YME1L1: variants seen among roughly 807,000 people sequenced by gnomAD.
YME1L1 encodes ATP-dependent zinc metalloprotease YME1L1.
In YME1L1, 39 loss-of-function variants were observed where a neutral mutation model predicts 90.4. The ratio of observed to expected loss-of-function variants is 0.43; its 90% CI spans 0.33 to 0.56. YME1L1 has a LOEUF of 0.56. YME1L1 is among the 20% of genes least tolerant of loss of function. The probability of loss-of-function intolerance (pLI) is 0.03; values close to 1 mark genes in which losing one functional copy is unlikely to be tolerated. For missense variants in YME1L1, 617 were observed against 868.4 expected, an observed-to-expected ratio of 0.71 and a Z score of 3.64; for synonymous variants, 284 against 287.3, an observed-to-expected ratio of 0.99 and a Z score of 0.12.
intron 7 of YME1L1, among the ~76,000 whole-genome samples, chr10:27,133,226 A>T (rs2056994066): frequency 6.6e-6 from 1 of 152,210 alleles, no homozygotes; most frequent in Non-Finnish European, 1.5e-5. Flanking sequence ...CAATTATGAC[A>T]ACATTAAGTC....
At chr10:27,112,844 A>G (rs1012431392) in intron 18 of YME1L1, among the ~76,000 whole-genome samples, 19 of 151,996 alleles carry the variant, frequency 1.3e-4, no homozygotes, top group African/African-American at 2.4e-5. Context: ...GACTACAGGC[A>G]TGAACCACCA....
At chr10:27,122,565 T>C (rs934775859) in intron 11 of YME1L1, among the ~76,000 whole-genome samples, 1 of 152,134 alleles carries the variant, frequency 6.6e-6, no homozygotes, top group Non-Finnish European at 1.5e-5. Flanking sequence ...CTGTCATAAG[T>C]GTAACAATAA....
intron 15 of YME1L1, among the ~76,000 whole-genome samples, chr10:27,116,917 A>AT (rs2056819604): frequency 6.6e-6 from 1 of 152,252 alleles, no homozygotes; most frequent in African/African-American, 2.4e-5. Flanking sequence ...ATATAGTTAC[A>AT]TTAAAAACCA....
Position 27,110,137 on chromosome 10 carries a change from G to A in YME1L1, c.*1840C>T, listed in dbSNP as rs754189037. ...ACATTTAAAATGAATTTTATCATAT[G>A]TAAATTATACCTCAACAAATATGTA... On this transcript the variant is annotated 3_prime_UTR_variant, in exon 19 of 19. Coordinates refer to ENST00000376016, the MANE Select transcript of YME1L1 (RefSeq NM_014263.4). The A allele has an allele frequency of 1.3e-5, 2 of 152,120 alleles. No individual in the cohort carries two copies. Among genetic ancestry groups the A allele is most frequent in the African/African-American group, 2.4e-5 (1 of 41,434 alleles). 9.4% of individuals were successfully genotyped at this position (152,120 alleles called of 1,614,324 possible).
chr10:27,139,325 C>A (rs754654783), intron 4 of YME1L1, among the ~76,000 whole-genome samples: 2 of 152,034 alleles, frequency 1.3e-5, no homozygotes, highest in African/African-American at 2.4e-5. Flanking sequence ...TCCCAAGTAT[C>A]CAGAACTACA....
chr10:27,126,397 C>A (rs2056920062), intron 9 of YME1L1, among the ~76,000 whole-genome samples: 1 of 152,018 alleles, frequency 6.6e-6, no homozygotes, highest in African/African-American at 2.4e-5. Context: ...TCACTGCACT[C>A]AAGCCTGGGT....
At chr10:27,143,699 TAAAAAAA>T (rs10671752) in intron 3 of YME1L1, among the ~76,000 whole-genome samples, 30 of 134,324 alleles carry the variant, frequency 2.2e-4, no homozygotes, top group African/African-American at 8.4e-4. Context: ...CTCGTCTCTT[TAAAAAAA>T]AAAAAAAAAA....
At chr10:27,126,652 T>C (rs2056922614) in intron 9 of YME1L1, 44 bp downstream of exon 9, 1 of 1,098,686 alleles carries the variant, frequency 9.1e-7, no homozygotes, top group East Asian at 2.6e-5. Context: ...GTTTCTTTGT[T>C]TTTGTTTTTT....
chr10:27,119,404 C>A lies in YME1L1; in HGVS notation c.1457G>T (p.Gly486Val). ...GTTCACAAGATTCTCCAACTCTGCT[C>A]CGGAAAAGCCAACAGTACCTCGAGC... Reference protein sequence around the residue: ...IIARGTVGFSGAELENLVNQA... With the variant: ...IIARGTVGFSVAELENLVNQA... The change falls in exon 14 of 19, where the codon GGA becomes GTA. Residue 486 changes from glycine (G) to valine (V), a missense_variant. Around this residue, in one of 4 missense-constraint regions of YME1L1, gnomAD observed 212 missense variants for 330.0 expected, o/e 0.64. Coordinates refer to ENST00000376016, the MANE Select transcript of YME1L1 (RefSeq NM_014263.4). The A allele has an allele frequency of 1.9e-6, 3 of 1,613,156 alleles. No homozygotes were observed. The highest frequency in any genetic ancestry group is 1.1e-5 in the South Asian group (1 of 90,930).
intron 9 of YME1L1, among the ~76,000 whole-genome samples, chr10:27,126,118 T>G (rs964966144): frequency 2.6e-5 from 4 of 152,116 alleles, no homozygotes; most frequent in African/African-American, 9.7e-5. Flanking sequence ...TATATTTATA[T>G]ATACATAAAG....
At chr10:27,133,909 G>T in intron 7 of YME1L1, 130 bp downstream of exon 7, 1 of 551,998 alleles carries the variant, frequency 1.8e-6, no homozygotes, top group Non-Finnish European at 3.0e-6. Context: ...ACCACTACTA[G>T]GAATGAAAGC....
At chr10:27,118,180 A>C (rs2056832683) in intron 14 of YME1L1, among the ~76,000 whole-genome samples, 3 of 152,214 alleles carry the variant, frequency 2.0e-5, no homozygotes, top group Non-Finnish European at 4.4e-5. Flanking sequence ...TTCTTATTAT[A>C]GCTCACTCCA....
chr10:27,142,359 T>A (rs41282208), intron 4 of YME1L1, 28 bp downstream of exon 4: 1 of 1,269,372 alleles, frequency 7.9e-7, no homozygotes, highest in South Asian at 1.8e-5. Context: ...TATTTTTTTT[T>A]CCACAATTTA....
intron 3 of YME1L1, among the ~76,000 whole-genome samples, chr10:27,144,924 G>A (rs942248577): frequency 2.6e-5 from 4 of 152,100 alleles, no homozygotes; most frequent in Non-Finnish European, 5.9e-5. Context: ...GGTGGATCAC[G>A]AGGTCAGGAG....
At chr10:27,143,654 C>T (rs1456229874) in intron 3 of YME1L1, among the ~76,000 whole-genome samples, 1 of 149,760 alleles carries the variant, frequency 6.7e-6, no homozygotes, top group Non-Finnish European at 1.5e-5. Context: ...GCCGAGATTG[C>T]CCCACTGCAC....
intron 11 of YME1L1, 80 bp from the exon 12 acceptor site, chr10:27,121,528 T>C: frequency 9.4e-7 from 1 of 1,062,654 alleles, no homozygotes. Context: ...CAAAACTGGT[T>C]TGTTTTCTTT....
At chr10:27,122,251 C>T (rs2056875112) in intron 11 of YME1L1, among the ~76,000 whole-genome samples, 1 of 152,188 alleles carries the variant, frequency 6.6e-6, no homozygotes, top group East Asian at 1.9e-4. Flanking sequence ...TCACAATTAT[C>T]TGGTCTATGC....
chr10:27,127,931 A>G (rs1355305971), intron 8 of YME1L1, among the ~76,000 whole-genome samples: 2 of 152,234 alleles, frequency 1.3e-5, no homozygotes, highest in Non-Finnish European at 2.9e-5. Flanking sequence ...AAAGAAGACT[A>G]AAATATATTT....
intron 14 of YME1L1, among the ~76,000 whole-genome samples, chr10:27,118,837 G>C (rs1206158356): frequency 2.0e-5 from 3 of 152,168 alleles, no homozygotes; most frequent in Admixed American, 2.0e-4. Flanking sequence ...TCTGACAAGA[G>C]GAAATGTATA....
Sources: gnomAD v4.1 joint callset for allele counts (sites outside exome capture counted in the v4.1 genomes callset) on GRCh38, gnomAD v4.1.1 for gene constraint, gnomAD v4.1.1 regional missense constraint, MANE v1.5 for transcripts, NCBI Gene and HGNC (gene_info 2026-07-23, HGNC 2026-07-21) for gene names.